CIC: variants seen among roughly 807,000 people sequenced by gnomAD.
CIC encodes protein capicua homolog.
A neutral mutation model predicts 115.7 loss-of-function variants in CIC; 18 were observed. That is an observed-to-expected ratio of 0.16 (90% CI 0.11 to 0.23). CIC has a LOEUF of 0.23. Ranked by LOEUF, CIC falls within the 10% of genes least tolerant of loss-of-function variation. The pLI is 1.00. For synonymous variants in CIC, 1,076 were observed against 923.0 expected (o/e 1.17, Z -3.01); for missense variants, 2,000 against 2,159.3 (o/e 0.93, Z 1.46).
chr19:42,269,709 G>A (rs1011620239), intron 1 of CIC, among the ~76,000 whole-genome samples: 3 of 149,552 alleles, frequency 2.0e-5, no homozygotes, highest in Non-Finnish European at 3.0e-5. Context: ...TGGCTGACAG[G>A]ACAGTGACTG....
In CIC at chr19:42,291,199, C is replaced by T. The variant is rs758588408; in HGVS notation, c.5158C>T (p.Leu1720=). ...CAATGGGCCAGTACCCCTGGGCATC[C>T]TGCAACCAGGTGCCCTGGGCAAGGC... ...GPNGPVPLGI[L]QPGALGKAGG... The change falls in exon 11 of 21, where the codon CTG becomes TTG. Residue 1720 remains leucine, a synonymous_variant. Transcript: ENST00000681038. 6.2e-7 allele frequency: 1 copy of T among 1,610,352 alleles called. No individual in the cohort carries two copies. The highest frequency in any genetic ancestry group is 1.1e-5 in the South Asian group (1 of 90,764).
In CIC at chr19:42,295,133, G is replaced by C; in HGVS notation, c.7496G>C (p.Gly2499Ala). 3 of 1,486,912 alleles carry C rather than the reference G, an allele frequency of 2.0e-6. No homozygotes were observed. Among genetic ancestry groups the C allele is most frequent in the Non-Finnish European group, 2.7e-6 (3 of 1,118,918 alleles). The allele number at this position is 1,486,912 out of a possible 1,614,324, so 92.1% of individuals were successfully genotyped here. Residue 2499 changes from glycine to alanine, a missense_variant, in exon 21 of 21, where the codon GGG becomes GCG. Physicochemically the swap from Gly to Ala is moderately conservative, Grantham distance 60. Coordinates refer to ENST00000681038, the MANE Select transcript of CIC (RefSeq NM_001386298.1). ...GGGCCTGGACAGCCTGGCTGGGAGGGGGCTCCCCAGCCCTCCCCCCCACCC... is the reference window on the plus strand; with the variant it reads ...GGGCCTGGACAGCCTGGCTGGGAGGCGGCTCCCCAGCCCTCCCCCCCACCC... ...ESGPGQPGWEGAPQPSPPPPG... is the reference protein window; with the variant it reads ...ESGPGQPGWEAAPQPSPPPPG...
rs780624177 is a variant in CIC at position 42,292,332 on chromosome 19, C to T, written c.5768C>T (p.Ala1923Val). The T allele has an allele frequency of 4.5e-5, 73 of 1,613,004 alleles. 1 individual carries two copies. In the East Asian group the frequency reaches 1.6e-3, roughly 34 times the overall value. Reference protein sequence around the residue: ...ITYVQSAGGHALPLGTSPASS... With the variant: ...ITYVQSAGGHVLPLGTSPASS... ...TATGTGCAGTCAGCGGGCGGGCACG[C>T]GCTGCCCCTGGGTACCAGCCCTGCG... Residue 1923 changes from alanine to valine, a missense_variant, in exon 14 of 21, where the codon GCG (alanine) becomes GTG (valine). Ala to Val is a moderately conservative substitution (Grantham distance 64). Transcript: ENST00000681038.
At chr19:42,294,133 A>C in intron 18 of CIC, 40 bp from the exon 19 acceptor site, 1 of 1,613,774 alleles carries the variant, frequency 6.2e-7, no homozygotes, top group Non-Finnish European at 8.5e-7. Context: ...TGGAGGGCAG[A>C]CTGGGGCCAC....
In CIC at chr19:42,294,961, G is replaced by A; in HGVS notation, c.7324G>A (p.Ala2442Thr). The A allele has an allele frequency of 1.2e-6, 2 of 1,600,294 alleles. No individual in the cohort carries two copies. Among genetic ancestry groups the A allele is most frequent in the Non-Finnish European group, 1.7e-6 (2 of 1,179,912 alleles). Residue 2442 changes from alanine (A) to threonine (T), a missense_variant, in exon 21 of 21, where the codon GCT (alanine) becomes ACT (threonine). Ala to Thr is a moderately conservative substitution (Grantham distance 58, BLOSUM62 0). This residue lies in a region of CIC where 133 missense variants were observed against 116.0 expected (regional missense o/e 1.15). Transcript: ENST00000681038. Reference protein sequence around the residue: ...TPTEQPPGAEAPLPVPPPTGT... With the variant: ...TPTEQPPGAETPLPVPPPTGT... ...CACGGAGCAGCCCCCTGGAGCTGAG[G>A]CTCCTCTCCCTGTACCGCCCCCCAC... is the stretch of plus-strand genomic sequence containing the variant.
rs1222841455 is a variant in CIC, at chr19:42,292,547, C to T, written c.5903-19C>T. ...CGGGCCCTAACTTGGTCTCCTGCTT[C>T]TTCTTCTCTGTCTTTCAGCAGGCCA... On this transcript the variant is annotated intron_variant, in intron 14 of 20. Transcript: ENST00000681038. The T allele has an allele frequency of 1.9e-6, 3 of 1,611,576 alleles. No individual in the cohort carries two copies. The highest frequency in any genetic ancestry group is 1.6e-4 in the Middle Eastern group (1 of 6,082).
intron 2 of CIC, among the ~76,000 whole-genome samples, chr19:42,285,331 C>T (rs1423503036): frequency 6.6e-6 from 1 of 151,966 alleles, no homozygotes; most frequent in African/African-American, 2.4e-5. Flanking sequence ...AAAGAGGAGG[C>T]CTTGATGGGA....
intron 2 of CIC, 150 bp from the exon 3 acceptor site, chr19:42,286,621 C>A: frequency 1.1e-6 from 1 of 871,256 alleles, no homozygotes; most frequent in Non-Finnish European, 1.7e-6. Flanking sequence ...TCCTGAGTGA[C>A]GTTGCATGGA....
intron 16 of CIC, 130 bp downstream of exon 16, chr19:42,293,411 C>T (rs1451083178): frequency 3.7e-6 from 5 of 1,346,330 alleles, no homozygotes; most frequent in Non-Finnish European, 5.1e-6. Flanking sequence ...CCCTCTGTCC[C>T]TTCTGCCTGC....
In CIC at chr19:42,286,916, C is replaced by T. The variant is rs2147171879; in HGVS notation, c.2940C>T (p.Ser980=). The stretch of plus-strand genomic sequence containing the variant: ...GCCACCCAGTGGCCTCCAACCAGAG[C>T]AAAGGTGAGGGCTGGTGGGGACTGG... The part of the protein sequence containing the change: ...PASHPVASNQ[S]KEPAESAAVA... The change falls in exon 3 of 21, where the codon AGC becomes AGT. Residue 980 remains serine, a synonymous_variant. Coordinates refer to ENST00000681038, the MANE Select transcript of CIC (RefSeq NM_001386298.1). The T allele has an allele frequency of 6.2e-7, 1 of 1,611,088 alleles. No homozygotes were observed. The highest frequency in any genetic ancestry group is 8.5e-7 in the Non-Finnish European group (1 of 1,179,578).
rs1330948180 is a variant in CIC, at chr19:42,280,935, C to T, written c.2795-5836C>T. Among the ~76,000 whole-genome samples, 2 of 151,468 alleles carry T rather than the reference C, an allele frequency of 1.3e-5. No homozygotes were observed. The highest frequency in any genetic ancestry group is 2.9e-5 in the Non-Finnish European group (2 of 67,800). ...TCAACCCCCCCACCCCCGCATCCCA[C>T]CCATCTCCCAATCCCTGGGGACCAT... On this transcript the variant is annotated intron_variant, in intron 2 of 20. Coordinates refer to ENST00000681038, the MANE Select transcript of CIC (RefSeq NM_001386298.1). The surrounding 1 kb of genome is among the most constrained non-coding windows in gnomAD (Gnocchi z 4.9).
intron 1 of CIC, among the ~76,000 whole-genome samples, chr19:42,271,253 C>T (rs874013): frequency 0.011 from 1,746 of 152,322 alleles, 27 homozygotes; most frequent in African/African-American, 0.04. Flanking sequence ...GTCAGGAGCA[C>T]GGACTCTGGA....
intron 2 of CIC, among the ~76,000 whole-genome samples, chr19:42,279,131 T>C (rs566926744): frequency 6.6e-6 from 1 of 152,292 alleles, no homozygotes; most frequent in African/African-American, 2.4e-5. Flanking sequence ...ACCCACCAAC[T>C]ATGCTTGGGC....
At chr19:42,283,867 G>T (rs577311604) in intron 2 of CIC, among the ~76,000 whole-genome samples, 20 of 151,872 alleles carry the variant, frequency 1.3e-4, no homozygotes, top group Admixed American at 9.2e-4. Flanking sequence ...GCCCCGCCCT[G>T]CCCTTATTTG....
chr19:42,285,275 G>A (rs1000002559), intron 2 of CIC, among the ~76,000 whole-genome samples: 1 of 152,112 alleles, frequency 6.6e-6, no homozygotes, highest in African/African-American at 2.4e-5. Context: ...AGGACCAAAG[G>A]ACTGCCCTCC....
intron 1 of CIC, among the ~76,000 whole-genome samples, chr19:42,269,788 T>G (rs1417950689): frequency 6.6e-6 from 1 of 151,212 alleles, no homozygotes; most frequent in Non-Finnish European, 1.5e-5. Context: ...CTAGGGCATT[T>G]TAACCGAGAG....
In CIC at chr19:42,290,719, C is replaced by A. The variant is rs777393076; in HGVS notation, c.4678C>A (p.Pro1560Thr). 1.9e-6 allele frequency: 3 copies of A among 1,612,578 alleles called. No homozygotes were observed. The highest frequency in any genetic ancestry group is 2.5e-6 in the Non-Finnish European group (3 of 1,179,752). Residue 1560 changes from proline (P) to threonine (T), a missense_variant, in exon 11 of 21, where the codon CCC (proline) becomes ACC (threonine). Pro to Thr is a conservative substitution (Grantham distance 38). Coordinates refer to ENST00000681038, the MANE Select transcript of CIC (RefSeq NM_001386298.1). ...CGGCGGAGCCAGAGTGCCCTCCGCCCCCGCCCCATCACTGGCCTATGGGGC... is the reference window on the plus strand; with the variant it reads ...CGGCGGAGCCAGAGTGCCCTCCGCCACCGCCCCATCACTGGCCTATGGGGC... Reference protein sequence around the residue: ...EGGGARVPSAPAPSLAYGAPA... With the variant: ...EGGGARVPSATAPSLAYGAPA...
In CIC at chr19:42,270,523, G is replaced by A. The variant is rs373121422; in HGVS notation, c.-11+1142G>A. ...TTCTCAGGGCAGCTCGAAAGGGGGC[G>A]GGCAGTAATGACTGTTCAGGAAGTG... On this transcript the variant is annotated intron_variant, in intron 1 of 20. Transcript: ENST00000681038. The surrounding 1 kb of genome is among the most constrained non-coding windows in gnomAD (Gnocchi z 4.1). 6.6e-5 allele frequency among the ~76,000 whole-genome samples: 10 copies of A among 152,312 alleles called. No homozygotes were observed. The highest frequency in any genetic ancestry group is 2.2e-4 in the African/African-American group (9 of 41,558).
At position 42,273,480 on chromosome 19, in the gene CIC, G is replaced by A; in HGVS notation, c.1697G>A (p.Arg566Lys). The A allele has an allele frequency of 2.5e-6, 1 of 398,532 alleles. No individual in the cohort carries two copies. The highest frequency in any genetic ancestry group is 4.4e-6 in the Non-Finnish European group (1 of 225,980). The allele number at this position is 398,532 out of a possible 1,614,324, so 24.7% of individuals were successfully genotyped here. Residue 566 changes from arginine to lysine, a missense_variant, in exon 2 of 21, where the codon AGG becomes AAG. This residue lies in a region of CIC where 222 missense variants were observed against 247.7 expected (regional missense o/e 0.90). Transcript: ENST00000681038. ...TEFDWGDETS[R>K]DSEASSVAAR... Reference sequence around the variant, plus strand: ...TTTGACTGGGGTGATGAGACGTCGAGGGACAGTGAGGCCAGCAGTGTGGCG... The same window carrying A: ...TTTGACTGGGGTGATGAGACGTCGAAGGACAGTGAGGCCAGCAGTGTGGCG...
Sources: allele counts gnomAD v4.1 joint callset (sites outside exome capture counted in the v4.1 genomes callset), GRCh38; gene constraint gnomAD v4.1.1; regional missense constraint gnomAD v4.1.1; non-coding constraint Gnocchi (gnomAD v3.1); transcripts MANE v1.5; gene names NCBI Gene and HGNC (gene_info 2026-07-23, HGNC 2026-07-21).